WSCD2: variants seen among roughly 807,000 people sequenced by gnomAD.
WSCD2 encodes sialate:O-sulfotransferase 2.
A neutral mutation model predicts 55.7 loss-of-function variants in WSCD2; 28 were observed. The ratio of observed to expected loss-of-function variants is 0.50; its 90% confidence interval spans 0.37 to 0.69. The LOEUF (loss-of-function observed/expected upper bound fraction) is 0.69, where lower values mean the gene tolerates loss of function less well. Among genes scored for constraint, WSCD2 ranks in the 30% least tolerant of loss-of-function variants. The pLI is 0.00. For synonymous variants in WSCD2, 301 were observed against 301.9 expected, an observed-to-expected ratio of 1.00 and a Z score of 0.03; for missense variants, 616 against 762.1, an observed-to-expected ratio of 0.81 and a Z score of 2.26.
At chr12:108,130,021 T>G in intron 1 of WSCD2, 95 bp downstream of exon 1, 1 of 152,290 alleles carries the variant, frequency 6.6e-6, no homozygotes. Flanking sequence ...AGATCTGGGC[T>G]TCGCTTTCCA....
Position 108,249,807 on chromosome 12 carries a change from C to T in WSCD2, c.*1464C>T, listed in dbSNP as rs554244764. 2.6e-5 allele frequency: 4 copies of T among 152,758 alleles called. No homozygotes were observed. The East Asian group carries it at 7.7e-4, about 30-fold the overall frequency. 9.5% of individuals were successfully genotyped at this position (152,758 alleles called of 1,614,324 possible). Reference sequence around the variant, plus strand: ...GGAACCTGGCCATGCAAAGCAAGGGCACAGGGATTAGACCTGTGGCACACT... The same window carrying T: ...GGAACCTGGCCATGCAAAGCAAGGGTACAGGGATTAGACCTGTGGCACACT... On this transcript the variant is annotated 3_prime_UTR_variant, in exon 9 of 9. Coordinates refer to ENST00000547525, the MANE Select transcript of WSCD2 (RefSeq NM_014653.4).
chr12:108,172,734 T>G (rs1428916677), intron 1 of WSCD2, among the ~76,000 whole-genome samples: 1 of 152,328 alleles, frequency 6.6e-6, no homozygotes, highest in East Asian at 1.9e-4. Context: ...GGACCAACTC[T>G]GCCACCACCT....
intron 7 of WSCD2, chr12:108,233,105 C>T (rs1888955862): frequency 3.7e-6 from 2 of 547,530 alleles, no homozygotes; most frequent in Non-Finnish European, 6.4e-6. Context: ...CTGGATACTC[C>T]ACTAGCATCC....
At chr12:108,173,257 C>A (rs1461366800) in intron 1 of WSCD2, among the ~76,000 whole-genome samples, 1 of 152,210 alleles carries the variant, frequency 6.6e-6, no homozygotes, top group South Asian at 2.1e-4. Context: ...CCCAGACCCT[C>A]CCACCAGCCA....
chr12:108,144,043 A>G (rs1284208109), intron 1 of WSCD2, among the ~76,000 whole-genome samples: 7 of 151,896 alleles, frequency 4.6e-5, no homozygotes, highest in Admixed American at 3.3e-4. Context: ...CCTGCCCAGG[A>G]TGGTCCACAT....
intron 6 of WSCD2, among the ~76,000 whole-genome samples, chr12:108,229,244 G>C (rs1006783924): frequency 1.8e-4 from 28 of 152,176 alleles, no homozygotes; most frequent in African/African-American, 6.0e-4. Flanking sequence ...CCCCTTATGG[G>C]ATAATTATTG....
intron 7 of WSCD2, 37 bp from the exon 8 acceptor site, chr12:108,240,307 C>T: frequency 6.2e-7 from 1 of 1,608,754 alleles, no homozygotes; most frequent in Non-Finnish European, 8.5e-7. Context: ...GCTTCCCCAG[C>T]TCACCAGTCC....
intron 4 of WSCD2, among the ~76,000 whole-genome samples, chr12:108,216,781 T>A (rs1366640611): frequency 6.6e-6 from 1 of 151,984 alleles, no homozygotes; most frequent in Admixed American, 6.5e-5. Context: ...AAAGCTGCTG[T>A]ATTTTTTTTT....
chr12:108,236,729 A>G (rs955633824), intron 7 of WSCD2, among the ~76,000 whole-genome samples: 1 of 150,264 alleles, frequency 6.7e-6, no homozygotes, highest in Non-Finnish European at 1.5e-5. Context: ...TTTCTGTCTC[A>G]TTTTATTTCT....
In WSCD2 at chr12:108,227,144, T is replaced by C; in HGVS notation, c.959T>C (p.Val320Ala). The part of the protein sequence containing the change: ...ESCGTPSYFI[V>A]YQTQVQDNRC... ...TGCGGGACTCCTAGTTACTTCATTG[T>C]GTACCAGACACAAGTCCAAGGTGAG... Residue 320 changes from valine to alanine, a missense_variant, in exon 6 of 9, where the codon GTG becomes GCG. Around this residue, in one of 3 missense-constraint regions of WSCD2, gnomAD observed 374 missense variants for 467.4 expected, o/e 0.80. Coordinates refer to ENST00000547525, the MANE Select transcript of WSCD2 (RefSeq NM_014653.4). The C allele has an allele frequency of 3.7e-6, 6 of 1,613,888 alleles. No individual in the cohort carries two copies. The highest frequency in any genetic ancestry group is 5.1e-6 in the Non-Finnish European group (6 of 1,179,900).
intron 1 of WSCD2, among the ~76,000 whole-genome samples, chr12:108,166,761 T>TTCTTTC (rs1879667050): frequency 2.8e-4 from 35 of 124,886 alleles, no homozygotes; most frequent in Non-Finnish European, 5.3e-4. Flanking sequence ...TCTTTCTTTC[T>TTCTTTC]TTTCTTTCTT....
At chr12:108,171,817 C>A (rs971559247) in intron 1 of WSCD2, 4 of 152,136 alleles carry the variant, frequency 2.6e-5, no homozygotes, top group African/African-American at 9.7e-5. Flanking sequence ...CTTCAGTGTA[C>A]CTGCTTGTAA....
intron 1 of WSCD2, among the ~76,000 whole-genome samples, chr12:108,166,058 G>T (rs543367340): frequency 6.6e-6 from 1 of 152,308 alleles, no homozygotes; most frequent in South Asian, 2.1e-4. Flanking sequence ...TGATAGAATG[G>T]TATTTAACAC....
At position 108,166,936 on chromosome 12, in the gene WSCD2, G is replaced by A. The variant is rs376623964; in HGVS notation, c.-551-28346G>A. ...AAGTGATTCTCCTGCCTCAGCCTCC[G>A]GAGTAGCTGGGACTACAGGTGCCCA... On this transcript the variant is annotated intron_variant, in intron 1 of 8. Coordinates refer to ENST00000547525, the MANE Select transcript of WSCD2 (RefSeq NM_014653.4). Among the ~76,000 whole-genome samples the A allele has an allele frequency of 2.1e-3, 315 of 150,360 alleles. 1 individual carries two copies. The highest frequency in any genetic ancestry group is 6.8e-3 in the African/African-American group (280 of 40,882).
chr12:108,147,504 G>A (rs1877515948), intron 1 of WSCD2, among the ~76,000 whole-genome samples: 1 of 152,062 alleles, frequency 6.6e-6, no homozygotes, highest in Non-Finnish European at 1.5e-5. Flanking sequence ...GGCAGGGGAA[G>A]GGAGGGTTAC....
At chr12:108,169,182 T>A (rs765506143) in intron 1 of WSCD2, among the ~76,000 whole-genome samples, 1 of 152,156 alleles carries the variant, frequency 6.6e-6, no homozygotes, top group Non-Finnish European at 1.5e-5. Flanking sequence ...GATGGGGCCG[T>A]CTAGTTGCAG....
chr12:108,165,638 G>A (rs559900971), intron 1 of WSCD2, among the ~76,000 whole-genome samples: 1 of 152,238 alleles, frequency 6.6e-6, no homozygotes, highest in Non-Finnish European at 1.5e-5. Flanking sequence ...TGAGGCAGAG[G>A]TTTGGAGTTT....
At chr12:108,190,329 T>C (rs1883004106) in intron 1 of WSCD2, among the ~76,000 whole-genome samples, 1 of 152,138 alleles carries the variant, frequency 6.6e-6, no homozygotes, top group Admixed American at 6.5e-5. Context: ...CAAACCTTCA[T>C]GAACCTGATT....
At chr12:108,224,451 A>C (rs575815842) in intron 4 of WSCD2, among the ~76,000 whole-genome samples, 3 of 152,314 alleles carry the variant, frequency 2.0e-5, no homozygotes, top group African/African-American at 7.2e-5. Flanking sequence ...GAATCTGACA[A>C]AGAAAGGGGG....
Sources: gnomAD v4.1 joint callset for allele counts (sites outside exome capture counted in the v4.1 genomes callset) on GRCh38, gnomAD v4.1.1 for gene constraint, gnomAD v4.1.1 regional missense constraint, MANE v1.5 for transcripts, NCBI Gene and HGNC (gene_info 2026-07-23, HGNC 2026-07-21) for gene names.